The following COL6A2 variants were observed in gnomAD, a reference collection of about 807,000 sequenced individuals.
COL6A2 encodes the protein collagen type VI alpha 2 chain, also known as collagen alpha-2(VI) chain.
Under a neutral mutation model 124.9 loss-of-function variants are expected in COL6A2, and 90 were observed. The ratio of observed to expected loss-of-function variants is 0.72; its 90% CI spans 0.61 to 0.86. The LOEUF (loss-of-function observed/expected upper bound fraction) is 0.86, where lower values mean the gene tolerates loss of function less well. Ranked by LOEUF, COL6A2 falls within the 40% of genes least tolerant of loss-of-function variation. The pLI is 0.00. For missense variants in COL6A2, 1,607 were observed against 1,502.5 expected (o/e 1.07, Z -1.15); for synonymous variants, 793 against 618.2 (o/e 1.28, Z -4.19).
intron 27 of COL6A2, among the ~76,000 whole-genome samples, chr21:46,128,342 C>A (rs1264644522): frequency 6.6e-6 from 1 of 152,256 alleles, no homozygotes; most frequent in Non-Finnish European, 1.5e-5. Context: ...ATCCTCCTTC[C>A]CAGCTGTTTC....
chr21:46,106,397 G>A (rs575074067), intron 1 of COL6A2, among the ~76,000 whole-genome samples: 2 of 152,308 alleles, frequency 1.3e-5, no homozygotes, highest in African/African-American at 4.8e-5. Context: ...CCCTGGGCAA[G>A]TTACCTCACT....
In COL6A2 at chr21:46,132,470, GCGC is replaced by G. The variant is rs768109283; in HGVS notation, c.2984_2986del (p.Ala995del). 16 of 1,606,582 alleles carry G rather than the reference GCGC, an allele frequency of 1.0e-5. No homozygotes were observed. Among genetic ancestry groups the G allele is most frequent in the Non-Finnish European group, 1.2e-5 (14 of 1,177,620 alleles). ...CTCACCACGCTCAGCCTGGGTGACC[GCGC>G]CGCCGTGTTCCACGAGAAGGACTAT... On this transcript the variant is annotated inframe_deletion, in exon 28 of 28. Transcript: ENST00000300527.
At chr21:46,118,117 C>T (rs561425339) in intron 12 of COL6A2, among the ~76,000 whole-genome samples, 181 bp downstream of exon 12, 17 of 152,198 alleles carry the variant, frequency 1.1e-4, no homozygotes, top group African/African-American at 4.1e-4. Flanking sequence ...CAGCTTCTAA[C>T]CAGGGCTTGG....
chr21:46,128,815 C>CGGGCTCTTGAGGGGTGGCT (rs2078714644), intron 27 of COL6A2: 1 of 1,069,628 alleles, frequency 9.3e-7, no homozygotes, highest in Non-Finnish European at 1.5e-6. Flanking sequence ...CTTTCTCAGG[C>CGGGCTCTTGAGGGGTGGCT]GGGCTCTTGA....
Position 46,118,685 on chromosome 21 carries a change from C to G in COL6A2, c.1179+9C>G. ...GGGCCAAGGGAAGCAAGGTGAGCCC[C>G]TCTGCCTCTTCGCCTGCAGCTGAGC... On this transcript the variant is annotated intron_variant, in intron 13 of 27. Transcript: ENST00000300527. 1.2e-6 allele frequency: 2 copies of G among 1,608,226 alleles called. No homozygotes were observed. Among genetic ancestry groups the G allele is most frequent in the Non-Finnish European group, 1.7e-6 (2 of 1,178,366 alleles).
intron 16 of COL6A2, 141 bp from the exon 17 acceptor site, chr21:46,120,920 C>T: frequency 2.5e-6 from 2 of 807,714 alleles, no homozygotes; most frequent in South Asian, 2.9e-5. Context: ...AGTGGAGCCA[C>T]AGCCTCCGGG....
At chr21:46,124,978 A>C in intron 23 of COL6A2, 58 bp downstream of exon 23, 2 of 1,599,286 alleles carry the variant, frequency 1.3e-6, no homozygotes, top group Admixed American at 1.7e-5. Flanking sequence ...AGACACCAAG[A>C]GCAGCAGGGG....
intron 17 of COL6A2, 139 bp downstream of exon 17, chr21:46,121,262 G>T (rs958374474): frequency 1.2e-6 from 1 of 865,350 alleles, no homozygotes; most frequent in Non-Finnish European, 1.9e-6. Flanking sequence ...GCCAGGACCT[G>T]CTCCCCTAGA....
intron 24 of COL6A2, 71 bp downstream of exon 24, chr21:46,125,382 T>A (rs780465267): frequency 5.0e-6 from 8 of 1,603,400 alleles, no homozygotes; most frequent in South Asian, 1.1e-5. Context: ...CAGGGCTGGG[T>A]CATCGCTGGG....
chr21:46,118,525 C>A, intron 12 of COL6A2, 89 bp from the exon 13 acceptor site: 1 of 1,298,562 alleles, frequency 7.7e-7, no homozygotes. Flanking sequence ...AGTCCCAAGC[C>A]CGACCGTGGG....
chr21:46,123,541 GGATGGATGGGAGGATGGGT>G (rs2078600863), intron 21 of COL6A2, among the ~76,000 whole-genome samples: 1 of 151,700 alleles, frequency 6.6e-6, no homozygotes, highest in African/African-American at 2.4e-5. Flanking sequence ...GTGGGCAAAT[GGATGGATGGGAGGATGGGT>G]GATGGATGGA....
Position 46,132,417 on chromosome 21 carries a change from C to T in COL6A2, c.2925C>T (p.Ala975=), listed in dbSNP as rs2078774154. The change falls in exon 28 of 28, where the codon GCC becomes GCT. Residue 975 remains alanine, a synonymous_variant. Transcript: ENST00000300527. The part of the protein sequence containing the change: ...RKQNVVPTVL[A]LGSDVDMDVL... ...AGAACGTGGTACCCACCGTGCTGGC[C>T]TTGGGCAGCGACGTGGACATGGACG... 1.2e-6 allele frequency: 2 copies of T among 1,607,544 alleles called. No homozygotes were observed. The highest frequency in any genetic ancestry group is 1.7e-6 in the Non-Finnish European group (2 of 1,177,538).
chr21:46,132,630 GGCCAGCACC>G lies in COL6A2; in HGVS notation c.*81_*89del, dbSNP rs2078778383. ...TGCTAAGCGGGCCCGGGTCCCACAC[GGCCAGCACC>G]GCTGCTCACTCGGACGACGCCCTGG... On this transcript the variant is annotated 3_prime_UTR_variant, in exon 28 of 28. Transcript: ENST00000300527. 2.2e-6 allele frequency: 3 copies of G among 1,371,582 alleles called. No homozygotes were observed. The Admixed American group carries it at 5.9e-5, about 27-fold the overall frequency. The allele number at this position is 1,371,582 out of a possible 1,614,324, so 85.0% of individuals were successfully genotyped here.
rs115857682 is a variant in COL6A2, at chr21:46,109,327, G to A, written c.-27-2123G>A. Among the ~76,000 whole-genome samples the A allele has an allele frequency of 1.8e-3, 272 of 152,286 alleles. 1 individual carries two copies. Among genetic ancestry groups the A allele is most frequent in the African/African-American group, 6.3e-3 (263 of 41,562 alleles). ...CTCTGCCCTGCTCTGACTGAGCCTGGGGCTTTTAAAGGCCTCAGAGAGGGG... is the reference window on the plus strand; with the variant it reads ...CTCTGCCCTGCTCTGACTGAGCCTGAGGCTTTTAAAGGCCTCAGAGAGGGG... On this transcript the variant is annotated intron_variant, in intron 1 of 27. Transcript: ENST00000300527.
chr21:46,126,059 C>T lies in COL6A2; in HGVS notation c.2244C>T (p.Cys748=), dbSNP rs201426778. Residue 748 remains cysteine, a synonymous_variant, in exon 26 of 28, where the codon TGC becomes TGT. Transcript: ENST00000300527. ...ATGACCTCAACTTGCGGGCGCTGTG[C>T]GACCGCGACGTCACAGTGACGGCCA... ...RDDDLNLRAL[C]DRDVTVTAIG... 44 of 1,612,994 alleles carry T rather than the reference C, an allele frequency of 2.7e-5. No individual in the cohort carries two copies. Among genetic ancestry groups the T allele is most frequent in the Admixed American group, 2.5e-4 (15 of 60,032 alleles).
At chr21:46,124,821 C>A in intron 22 of COL6A2, 64 bp from the exon 23 acceptor site, 1 of 1,604,646 alleles carries the variant, frequency 6.2e-7, no homozygotes, top group South Asian at 1.1e-5. Flanking sequence ...TGGGCAGTGG[C>A]CTGGGAGAGA....
chr21:46,130,503 C>T (rs2078746699), intron 27 of COL6A2, among the ~76,000 whole-genome samples: 1 of 152,146 alleles, frequency 6.6e-6, no homozygotes. Flanking sequence ...ACAGGGCAGG[C>T]CAGGCTGGTC....
intron 5 of COL6A2, among the ~76,000 whole-genome samples, chr21:46,115,607 C>A (rs1378378138): frequency 6.6e-6 from 1 of 152,200 alleles, no homozygotes; most frequent in Non-Finnish European, 1.5e-5. Flanking sequence ...GGGCCAGGCA[C>A]CCCCACCCCA....
At chr21:46,111,284 A>C in intron 1 of COL6A2, 166 bp from the exon 2 acceptor site, 2 of 577,544 alleles carry the variant, frequency 3.5e-6, no homozygotes, top group East Asian at 2.9e-5. Flanking sequence ...CAAGCCCCCC[A>C]GTCCAGATGC....
Sources: gnomAD v4.1 joint callset for allele counts (sites outside exome capture counted in the v4.1 genomes callset) on GRCh38, gnomAD v4.1.1 for gene constraint, MANE v1.5 for transcripts, NCBI Gene and HGNC (gene_info 2026-07-23, HGNC 2026-07-21) for gene names.